Variants in ANKRD42 observed in about 807,000 individuals in gnomAD.
ANKRD42 encodes ankyrin repeat domain 42.
A neutral mutation model predicts 51.5 loss-of-function variants in ANKRD42; 43 were observed. The ratio of observed to expected loss-of-function variants is 0.83; its 90% CI spans 0.65 to 1.08. The LOEUF (loss-of-function observed/expected upper bound fraction) is 1.08. Among genes scored for constraint, ANKRD42 ranks in the 50% least tolerant of loss-of-function variants. The pLI, the probability that ANKRD42 is intolerant of heterozygous loss-of-function variation, is 0.00. For synonymous variants in ANKRD42, 203 were observed against 213.0 expected, an observed-to-expected ratio of 0.95 and a Z score of 0.41; for missense variants, 608 against 629.3, an observed-to-expected ratio of 0.97 and a Z score of 0.36.
Position 83,255,909 on chromosome 11 carries a change from G to C in ANKRD42, c.1529G>C (p.Gly510Ala), listed in dbSNP as rs763025039. The stretch of plus-strand genomic sequence containing the variant: ...CGAGTAAAAAAAAAGGTTTCTTCTG[G>C]AGGGGTGTTTGTGAGAAGGTACTAA... Residue 510 changes from glycine to alanine, a missense_variant, in exon 12 of 12, where the codon GGA becomes GCA. Transcript: ENST00000260047. The C allele has an allele frequency of 3.9e-6, 6 of 1,534,160 alleles. No homozygotes were observed. In the South Asian group the frequency reaches 6.0e-5, roughly 15 times the overall value.
At chr11:83,257,361 C>T (rs1178421895), downstream of ANKRD42, 1 of 454,052 alleles carries the variant, frequency 2.2e-6, no homozygotes, top group Non-Finnish European at 4.4e-6. Context: ...TAATTCTTTG[C>T]TAGCTGGAGG....
chr11:83,221,651 A>C (rs1401826498), intron 5 of ANKRD42, among the ~76,000 whole-genome samples: 1 of 152,176 alleles, frequency 6.6e-6, no homozygotes, highest in East Asian at 1.9e-4. Context: ...CTAGTAAATA[A>C]GCCATCGGAG....
chr11:83,228,227 C>G (rs1862952095), intron 7 of ANKRD42, among the ~76,000 whole-genome samples: 1 of 47,268 alleles, frequency 2.1e-5, no homozygotes, highest in Non-Finnish European at 3.9e-5. Context: ...ATCCCTCTCT[C>G]TCTCTTTTTT....
At chr11:83,262,632 A>T (rs1483632852), downstream of ANKRD42, among the ~76,000 whole-genome samples, 1 of 152,220 alleles carries the variant, frequency 6.6e-6, no homozygotes, top group East Asian at 1.9e-4. Context: ...ATGAATTTTT[A>T]AAAACAGACA....
chr11:83,248,296 T>TACACACAC lies in ANKRD42; in HGVS notation c.*125_*132dup, dbSNP rs58376016. ...AGAGCTGATGACAGGATTAAAGGAA[T>TACACACAC]ACACACACACACACACACACACACA... On this transcript the variant is annotated 3_prime_UTR_variant, in exon 11 of 11. Transcript: ENST00000533342. 1.4e-3 allele frequency: 1,774 copies of TACACACAC among 1,300,462 alleles called. 8 individuals are homozygous for TACACACAC. The African/African-American group carries it at 0.016, about 12-fold the overall frequency. The allele number at this position is 1,300,462 out of a possible 1,614,324, so 80.6% of individuals were successfully genotyped here. A position where few individuals can be genotyped will look rare whatever the true frequency, so the allele number is the denominator to read the frequency against.
intron 9 of ANKRD42, among the ~76,000 whole-genome samples, chr11:83,242,588 A>G (rs985366747): frequency 5.9e-5 from 3 of 51,008 alleles, no homozygotes; most frequent in Admixed American, 1.5e-4. Context: ...TTTTTTTTAG[A>G]TGGAGTCTCA....
downstream of ANKRD42, among the ~76,000 whole-genome samples, chr11:83,251,363 A>T (rs1232710966): frequency 6.6e-6 from 1 of 152,176 alleles, no homozygotes; most frequent in African/African-American, 2.4e-5. Flanking sequence ...CTGAAAATCT[A>T]AGTTTTATAA....
At chr11:83,235,890 A>T (rs1863208871) in intron 7 of ANKRD42, among the ~76,000 whole-genome samples, 6 of 152,228 alleles carry the variant, frequency 3.9e-5, no homozygotes, top group Admixed American at 3.9e-4. Context: ...ACAGGCCTAT[A>T]AATTTTGAGT....
intron 5 of ANKRD42, chr11:83,213,188 G>C: frequency 6.2e-7 from 1 of 1,600,900 alleles, no homozygotes; most frequent in Non-Finnish European, 8.5e-7. Context: ...GGTTGTGGGA[G>C]CGACAAAAAA....
Position 83,248,695 on chromosome 11 carries a change from T to C in ANKRD42, c.*491T>C. On this transcript the variant is annotated 3_prime_UTR_variant, in exon 11 of 11. Coordinates refer to ENST00000533342, the MANE Select transcript of ANKRD42 (RefSeq NM_001300975.2). Reference sequence around the variant, plus strand: ...TTTGCACAAACTAGTCATTGGTCTCTTTAATAACCACTTTAAAAATATTAA... The same window carrying C: ...TTTGCACAAACTAGTCATTGGTCTCCTTAATAACCACTTTAAAAATATTAA... 1 of 976,750 alleles carries C rather than the reference T, an allele frequency of 1.0e-6. No homozygotes were observed. The highest frequency in any genetic ancestry group is 1.2e-6 in the Non-Finnish European group (1 of 822,068). The allele number at this position is 976,750 out of a possible 1,614,324, so 60.5% of individuals were successfully genotyped here. A position where few individuals can be genotyped will look rare whatever the true frequency, so the allele number is the denominator to read the frequency against.
chr11:83,210,070 T>A, intron 3 of ANKRD42: 1 of 420,174 alleles, frequency 2.4e-6, no homozygotes, highest in East Asian at 4.2e-5. Flanking sequence ...AATCTGTTCA[T>A]GTTAAAAGCC....
chr11:83,220,752 G>C (rs1862695057), intron 5 of ANKRD42, among the ~76,000 whole-genome samples: 1 of 151,990 alleles, frequency 6.6e-6, no homozygotes, highest in Admixed American at 6.6e-5. Flanking sequence ...TTTTTTGCCA[G>C]ACAAACTGGG....
Position 83,248,049 on chromosome 11 carries a change from ACACTGGAAAAAATTCAAGTC to A in ANKRD42, c.1431_1450del (p.Leu478LysfsTer11), listed in dbSNP as rs1863595834. 2 of 1,601,088 alleles carry A rather than the reference ACACTGGAAAAAATTCAAGTC, an allele frequency of 1.2e-6. No homozygotes were observed. Among genetic ancestry groups the A allele is most frequent in the Non-Finnish European group, 1.7e-6 (2 of 1,173,142 alleles). On this transcript the variant is annotated frameshift_variant, in exon 11 of 11. Coordinates refer to ENST00000533342, the MANE Select transcript of ANKRD42 (RefSeq NM_001300975.2). LOFTEE classifies it low-confidence loss of function (END_TRUNC). ...AGCAGAAGTTGATCAACTCAGGGAA[ACACTGGAAAAAATTCAAGTC>A]CCAAACTTTGTGGCTATGGTTGGTG...
intron 5 of ANKRD42, chr11:83,213,405 A>G (rs1862404636): frequency 1.3e-6 from 2 of 1,565,000 alleles, no homozygotes; most frequent in Non-Finnish European, 1.7e-6. Flanking sequence ...AAATGAATAG[A>G]CAGCTCATGT....
intron 8 of ANKRD42, among the ~76,000 whole-genome samples, chr11:83,239,985 A>G (rs1371456933): frequency 6.6e-6 from 1 of 152,200 alleles, no homozygotes; most frequent in Non-Finnish European, 1.5e-5. Context: ...GTTTATTACT[A>G]TGTCTTTAAT....
chr11:83,228,319 C>T (rs1022511099), intron 7 of ANKRD42, among the ~76,000 whole-genome samples: 4 of 131,284 alleles, frequency 3.0e-5, no homozygotes, highest in African/African-American at 1.2e-4. Flanking sequence ...TGGAGACCTC[C>T]TGGGCTCAAG....
At chr11:83,233,056 CT>C (rs1472747662) in intron 7 of ANKRD42, among the ~76,000 whole-genome samples, 1 of 151,922 alleles carries the variant, frequency 6.6e-6, no homozygotes, top group Non-Finnish European at 1.5e-5. Flanking sequence ...TTTGATGTGT[CT>C]TTGTCTGATT....
chr11:83,211,392 G>A lies in ANKRD42; in HGVS notation c.548G>A (p.Cys183Tyr), dbSNP rs988615599. 1 of 1,614,058 alleles carries A rather than the reference G, an allele frequency of 6.2e-7. No individual in the cohort carries two copies. ...GCLQLLVKWG[C>Y]SIEDVDYNGN... ...TTGCAACTTCTTGTTAAATGGGGTT[G>A]TAGCATAGAAGATGTGGACTACAAT... The change falls in exon 5 of 11, where the codon TGT becomes TAT. Residue 183 changes from cysteine to tyrosine, a missense_variant. Coordinates refer to ENST00000533342, the MANE Select transcript of ANKRD42 (RefSeq NM_001300975.2).
chr11:83,218,494 C>T (rs1862609687), intron 5 of ANKRD42, among the ~76,000 whole-genome samples: 1 of 152,158 alleles, frequency 6.6e-6, no homozygotes, highest in African/African-American at 2.4e-5. Flanking sequence ...AGAGGACTGC[C>T]CTAACCCTTG....
Sources: allele counts gnomAD v4.1 joint callset (sites outside exome capture counted in the v4.1 genomes callset), GRCh38; gene constraint gnomAD v4.1.1; transcripts MANE v1.5; gene names NCBI Gene and HGNC (gene_info 2026-07-23, HGNC 2026-07-21).